Variants in ABHD12 observed in about 807,000 individuals in gnomAD.
ABHD12 encodes lysophosphatidylserine lipase ABHD12.
Under a neutral mutation model 58.3 loss-of-function variants are expected in ABHD12, and 43 were observed. The ratio of observed to expected loss-of-function variants is 0.74; its 90% CI spans 0.58 to 0.95. ABHD12 has a LOEUF of 0.95. Among genes scored for constraint, ABHD12 ranks in the 40% least tolerant of loss-of-function variants. The pLI is 0.00. For missense variants in ABHD12, 539 were observed against 537.2 expected, an observed-to-expected ratio of 1.00 and a Z score of -0.03; for synonymous variants, 219 against 211.2, an observed-to-expected ratio of 1.04 and a Z score of -0.32.
At chr20:25,387,483 G>C (rs2146148127) in intron 1 of ABHD12, among the ~76,000 whole-genome samples, 1 of 149,618 alleles carries the variant, frequency 6.7e-6, no homozygotes, top group East Asian at 2.0e-4. Context: ...ATTTAGGCCT[G>C]GCACGGTATT....
At chr20:25,296,087 G>A (rs1158870727), downstream of ABHD12, among the ~76,000 whole-genome samples, 2 of 152,164 alleles carry the variant, frequency 1.3e-5, no homozygotes, top group Non-Finnish European at 2.9e-5. Context: ...TTCTTACCTG[G>A]TGCTATCCCT....
intron 1 of ABHD12, among the ~76,000 whole-genome samples, chr20:25,372,833 T>A (rs1397018228): frequency 6.6e-6 from 1 of 152,216 alleles, no homozygotes; most frequent in Non-Finnish European, 1.5e-5. Context: ...AAAATGTATA[T>A]TCATGTCCTA....
At chr20:25,313,765 AG>A (rs2088908866) in intron 6 of ABHD12, among the ~76,000 whole-genome samples, 2 of 146,920 alleles carry the variant, frequency 1.4e-5, no homozygotes, top group South Asian at 2.2e-4. Context: ...TGGGTGACAG[AG>A]TGAGACCCTG....
chr20:25,296,229 A>G, downstream of ABHD12: 2 of 1,031,278 alleles, frequency 1.9e-6, no homozygotes, highest in Non-Finnish European at 2.9e-6. Context: ...CGAACAAGTG[A>G]TTGTAATGTC....
At chr20:25,314,297 C>G (rs144253364) in intron 6 of ABHD12, among the ~76,000 whole-genome samples, 23 of 152,200 alleles carry the variant, frequency 1.5e-4, no homozygotes, top group African/African-American at 5.3e-4. Flanking sequence ...TTACTGTCTT[C>G]GTAACTTTAA....
intron 1 of ABHD12, among the ~76,000 whole-genome samples, chr20:25,380,012 C>T (rs1028067794): frequency 6.6e-6 from 1 of 152,194 alleles, no homozygotes; most frequent in Non-Finnish European, 1.5e-5. Context: ...GTGTGTGCCA[C>T]CGCACCTGGC....
At chr20:25,330,156 G>A (rs547309037) in intron 2 of ABHD12, among the ~76,000 whole-genome samples, 10 of 152,356 alleles carry the variant, frequency 6.6e-5, no homozygotes, top group Non-Finnish European at 1.2e-4. Context: ...CTCGGGAAGC[G>A]CAAGGGGTCA....
chr20:25,354,162 T>G (rs554033800), intron 1 of ABHD12, among the ~76,000 whole-genome samples: 1 of 152,376 alleles, frequency 6.6e-6, no homozygotes, highest in South Asian at 2.1e-4. Context: ...TAGGAATTTA[T>G]AGCCTCAATA....
intron 3 of ABHD12, 71 bp from the exon 4 acceptor site, chr20:25,320,389 GT>G: frequency 6.3e-7 from 1 of 1,599,336 alleles, no homozygotes; most frequent in South Asian, 1.1e-5. Flanking sequence ...ACTGCACGTG[GT>G]GTTACTTAAT....
chr20:25,309,318 G>A (rs1174608650), intron 7 of ABHD12, 128 bp downstream of exon 7: 3 of 1,381,520 alleles, frequency 2.2e-6, no homozygotes, highest in South Asian at 1.2e-5. Context: ...ATGGGGATGG[G>A]AGCGAGGCTG....
At chr20:25,331,173 A>G (rs1311927869) in intron 2 of ABHD12, among the ~76,000 whole-genome samples, 1 of 152,202 alleles carries the variant, frequency 6.6e-6, no homozygotes, top group Admixed American at 6.5e-5. Flanking sequence ...GAATGCAGAA[A>G]CCTCAGGAGC....
chr20:25,322,379 A>ATTTTTT (rs1290185808), intron 3 of ABHD12, among the ~76,000 whole-genome samples: 3 of 53,692 alleles, frequency 5.6e-5, no homozygotes, highest in Admixed American at 2.6e-4. Flanking sequence ...ATATATATAT[A>ATTTTTT]TATTTTTTTT....
intron 1 of ABHD12, among the ~76,000 whole-genome samples, chr20:25,353,587 G>T (rs1022944157): frequency 6.6e-6 from 1 of 152,114 alleles, no homozygotes; most frequent in South Asian, 2.1e-4. Context: ...TACAGGCTGG[G>T]CTGCTGCTGG....
intron 1 of ABHD12, among the ~76,000 whole-genome samples, chr20:25,367,654 T>A (rs2089841442): frequency 6.6e-6 from 1 of 152,252 alleles, no homozygotes; most frequent in Non-Finnish European, 1.5e-5. Context: ...CTCACGTAAG[T>A]GGAATCATAC....
rs1262542265 is a variant in ABHD12, at chr20:25,339,342, G to A, written c.201C>T (p.Gly67=). The A allele has an allele frequency of 3.7e-6, 6 of 1,614,092 alleles. No homozygotes were observed. The highest frequency in any genetic ancestry group is 2.2e-5 in the East Asian group (1 of 44,878). The change falls in exon 2 of 13, where the codon GGC becomes GGT. Residue 67 remains glycine (G), a synonymous_variant. Coordinates refer to ENST00000339157, the MANE Select transcript of ABHD12 (RefSeq NM_001042472.3). ...GMKRALGRRK[G]VWLRLRKILF... The stretch of plus-strand genomic sequence containing the variant: ...GTATCTTCCTCAGGCGCAACCACAC[G>A]CCCTTTCGCCTGCAAGAGAAAAGCA...
chr20:25,305,000 G>A (rs761758627), intron 10 of ABHD12, among the ~76,000 whole-genome samples: 1 of 151,658 alleles, frequency 6.6e-6, no homozygotes, highest in Admixed American at 6.6e-5. Context: ...AGCCTCCCGA[G>A]TAGCTGGGAT....
At position 25,363,594 on chromosome 20, in the gene ABHD12, C is replaced by T. The variant is rs540049402; in HGVS notation, c.192-24243G>A. Among the ~76,000 whole-genome samples the T allele has an allele frequency of 1.1e-4, 17 of 152,192 alleles. No homozygotes were observed. In the South Asian group the frequency reaches 3.3e-3, roughly 30 times the overall value. ...ATATTTAATTTTAAGGGGGCAGGCA[C>T]GGTGGCTCATTCCTGTAATCTCAGC... On this transcript the variant is annotated intron_variant, in intron 1 of 12. Coordinates refer to ENST00000339157, the MANE Select transcript of ABHD12 (RefSeq NM_001042472.3).
chr20:25,384,829 C>T (rs1418939636), intron 1 of ABHD12, among the ~76,000 whole-genome samples: 1 of 152,182 alleles, frequency 6.6e-6, no homozygotes, highest in South Asian at 2.1e-4. Flanking sequence ...GGACCACATT[C>T]CTGCCAGGCA....
intron 1 of ABHD12, among the ~76,000 whole-genome samples, chr20:25,365,431 C>T (rs544207890): frequency 2.6e-5 from 4 of 152,212 alleles, no homozygotes; most frequent in African/African-American, 9.6e-5. Flanking sequence ...CACATCAATG[C>T]TTACCTATTT....
Sources: gnomAD v4.1 joint callset for allele counts (sites outside exome capture counted in the v4.1 genomes callset) on GRCh38, gnomAD v4.1.1 for gene constraint, MANE v1.5 for transcripts, NCBI Gene and HGNC (gene_info 2026-07-23, HGNC 2026-07-21) for gene names.